Variants in CSGALNACT1 observed in about 807,000 individuals in gnomAD.
CSGALNACT1 encodes chondroitin sulfate N-acetylgalactosaminyltransferase 1, also known as beta4GalNAcT-1.
A neutral mutation model predicts 51.0 loss-of-function variants in CSGALNACT1; 52 were observed. The ratio of observed to expected loss-of-function variants is 1.02; its 90% CI spans 0.82 to 1.29. The LOEUF (loss-of-function observed/expected upper bound fraction) is 1.29, where lower values mean the gene tolerates loss of function less well. CSGALNACT1 is among the 50% of genes most tolerant of loss of function. CSGALNACT1 has a pLI of 0.00. For missense variants in CSGALNACT1, 935 were observed against 679.2 expected, an observed-to-expected ratio of 1.38 and a Z score of -4.19; for synonymous variants, 341 against 254.4, an observed-to-expected ratio of 1.34 and a Z score of -3.24.
chr8:19,589,194 CTTT>C (rs1013374964), intron 3 of CSGALNACT1, among the ~76,000 whole-genome samples: 6 of 152,280 alleles, frequency 3.9e-5, no homozygotes, highest in Admixed American at 3.9e-4. Flanking sequence ...GTGGGCGTTT[CTTT>C]GAGGAGAAAA....
intron 1 of CSGALNACT1, among the ~76,000 whole-genome samples, chr8:19,703,326 C>T (rs375273729): frequency 4.6e-5 from 7 of 152,054 alleles, no homozygotes; most frequent in South Asian, 2.1e-4. Context: ...GGTTTTGAGA[C>T]GCCATCTCAC....
chr8:19,748,841 T>G (rs1036117832), intron 1 of CSGALNACT1, among the ~76,000 whole-genome samples: 2 of 152,008 alleles, frequency 1.3e-5, no homozygotes, highest in Non-Finnish European at 2.9e-5. Flanking sequence ...GGCGAGTGCC[T>G]GTAATCCCAG....
intron 1 of CSGALNACT1, among the ~76,000 whole-genome samples, chr8:19,660,934 G>T (rs533211750): frequency 6.6e-6 from 1 of 152,128 alleles, no homozygotes; most frequent in Non-Finnish European, 1.5e-5. Context: ...GTTTTTTGAG[G>T]CAGAGTCTTG....
chr8:19,698,341 T>C (rs1400449879), intron 1 of CSGALNACT1, among the ~76,000 whole-genome samples: 2 of 152,222 alleles, frequency 1.3e-5, no homozygotes, highest in East Asian at 1.9e-4. Flanking sequence ...GCTGTGAACA[T>C]TGAGAATATT....
intron 1 of CSGALNACT1, among the ~76,000 whole-genome samples, chr8:19,698,891 G>A (rs1011751749): frequency 1.3e-5 from 2 of 152,276 alleles, no homozygotes; most frequent in South Asian, 2.1e-4. Context: ...ATCCTTGAAT[G>A]CACAAGTCTC....
In CSGALNACT1 at chr8:19,482,469, T is replaced by G. The variant is rs909002012; in HGVS notation, c.634+22732A>C. On this transcript the variant is annotated intron_variant, in intron 4 of 9. Transcript: ENST00000454498. ...CTCCCCAATCCAGGCCAGCAATGAC[T>G]TCTTCTGCTACATCCAATAGATCCT... Among the ~76,000 whole-genome samples the G allele has an allele frequency of 2.6e-5, 4 of 152,092 alleles. No individual in the cohort carries two copies. In the South Asian group the frequency reaches 6.2e-4, roughly 24 times the overall value.
intron 1 of CSGALNACT1, among the ~76,000 whole-genome samples, chr8:19,671,734 G>A (rs1719355042): frequency 6.6e-6 from 1 of 152,144 alleles, no homozygotes; most frequent in African/African-American, 2.4e-5. Context: ...TGGGAGTGCG[G>A]GGTGGTGGGG....
At chr8:19,498,810 T>C (rs922863346) in intron 4 of CSGALNACT1, among the ~76,000 whole-genome samples, 1 of 152,188 alleles carries the variant, frequency 6.6e-6, no homozygotes, top group Non-Finnish European at 1.5e-5. Context: ...AACAGTGATA[T>C]CTCTATTAAG....
At chr8:19,734,479 T>C (rs1411132109) in intron 1 of CSGALNACT1, among the ~76,000 whole-genome samples, 1 of 152,184 alleles carries the variant, frequency 6.6e-6, no homozygotes, top group Non-Finnish European at 1.5e-5. Context: ...TCTCTGTCCA[T>C]ATATATTGCC....
At chr8:19,624,806 G>A (rs1296541155) in intron 1 of CSGALNACT1, among the ~76,000 whole-genome samples, 1 of 151,944 alleles carries the variant, frequency 6.6e-6, no homozygotes, top group African/African-American at 2.4e-5. Context: ...AGCCTCCCAA[G>A]TAGCTGGCAT....
At chr8:19,728,441 T>C (rs2063519071) in intron 1 of CSGALNACT1, among the ~76,000 whole-genome samples, 1 of 152,186 alleles carries the variant, frequency 6.6e-6, no homozygotes, top group Non-Finnish European at 1.5e-5. Flanking sequence ...GAAGGATCTG[T>C]TTGAGAAGCT....
chr8:19,475,058 T>C (rs2069187133), intron 4 of CSGALNACT1, among the ~76,000 whole-genome samples: 2 of 151,950 alleles, frequency 1.3e-5, no homozygotes, highest in African/African-American at 2.4e-5. Flanking sequence ...AATCCCTAAC[T>C]CTGCTGGGGA....
chr8:19,708,652 C>A (rs1053544710), intron 1 of CSGALNACT1, among the ~76,000 whole-genome samples: 1 of 152,194 alleles, frequency 6.6e-6, no homozygotes, highest in Non-Finnish European at 1.5e-5. Flanking sequence ...GCACCAGGTT[C>A]CAAATGTGCA....
Position 19,650,148 on chromosome 8 carries a change from C to G in CSGALNACT1, c.-544+32325G>C, listed in dbSNP as rs138514170. On this transcript the variant is annotated intron_variant, in intron 1 of 9. Coordinates refer to the CSGALNACT1 transcript ENST00000332246. ...AGATTATGCATTTCTAATAAGGATA[C>G]TCCTGTTGGAGAGATGACATTTTGA... 8.3e-3 allele frequency among the ~76,000 whole-genome samples: 1,266 copies of G among 152,262 alleles called. 10 individuals carry two copies. Among genetic ancestry groups the G allele is most frequent in the African/African-American group, 0.026 (1,075 of 41,532 alleles).
chr8:19,599,191 G>A (rs2049679215), intron 2 of CSGALNACT1, among the ~76,000 whole-genome samples: 1 of 151,932 alleles, frequency 6.6e-6, no homozygotes, highest in East Asian at 1.9e-4. Flanking sequence ...CTAGCATCAG[G>A]GGACAGGAGC....
At chr8:19,588,544 C>T (rs141150691) in intron 3 of CSGALNACT1, among the ~76,000 whole-genome samples, 1 of 152,192 alleles carries the variant, frequency 6.6e-6, no homozygotes, top group African/African-American at 2.4e-5. Flanking sequence ...TGTGCCCATG[C>T]ACTCAATAGA....
intron 1 of CSGALNACT1, among the ~76,000 whole-genome samples, chr8:19,675,556 G>A (rs575833673): frequency 6.6e-6 from 1 of 152,092 alleles, no homozygotes; most frequent in African/African-American, 2.4e-5. Context: ...ACAGTGGCGC[G>A]ATCTTGGCTC....
chr8:19,505,840 A>T, exon 4 of CSGALNACT1: 1 of 1,609,152 alleles, frequency 6.2e-7, no homozygotes, highest in Non-Finnish European at 8.5e-7. Context: ...ATCATTCAGG[A>T]ATCAGCCATG....
intron 3 of CSGALNACT1, among the ~76,000 whole-genome samples, chr8:19,585,787 A>G (rs2046497504): frequency 6.6e-6 from 1 of 152,206 alleles, no homozygotes; most frequent in Non-Finnish European, 1.5e-5. Flanking sequence ...CCATGTTACC[A>G]AATTATCATT....
Sources: gnomAD v4.1 joint callset for allele counts (sites outside exome capture counted in the v4.1 genomes callset) on GRCh38, gnomAD v4.1.1 for gene constraint, MANE v1.5 for transcripts, NCBI Gene and HGNC (gene_info 2026-07-23, HGNC 2026-07-21) for gene names.